Variants in TENM3 observed in about 807,000 individuals in gnomAD.
TENM3 encodes the protein teneurin-3.
A neutral mutation model predicts 255.1 loss-of-function variants in TENM3; 63 were observed. The ratio of observed to expected loss-of-function variants is 0.25; its 90% CI spans 0.20 to 0.30. The LOEUF is 0.30. TENM3 is among the 10% of genes least tolerant of loss of function. TENM3 has a pLI of 1.00. For synonymous variants in TENM3, 1,306 were observed against 1,322.3 expected (o/e 0.99, Z 0.27); for missense variants, 2,929 against 3,461.1 (o/e 0.85, Z 3.86).
the TENM3 span, among the ~76,000 whole-genome samples, chr4:181,636,561 T>G: frequency 2.0e-5 from 3 of 152,034 alleles, no homozygotes; most frequent in Non-Finnish European, 4.4e-5. Context: ...TCATGACAGG[T>G]TCCTCTCTTC....
chr4:181,935,210 T>C, the TENM3 span, among the ~76,000 whole-genome samples: 1 of 152,246 alleles, frequency 6.6e-6, no homozygotes, highest in East Asian at 1.9e-4. Flanking sequence ...TAAAAACATT[T>C]GTGATTGTTT....
In TENM3 at chr4:182,738,426, G is replaced by A. The variant is rs780213398; in HGVS notation, c.3261G>A (p.Ser1087=). 2.4e-5 allele frequency: 39 copies of A among 1,612,156 alleles called. No individual in the cohort carries two copies. The highest frequency in any genetic ancestry group is 8.4e-5 in the Admixed American group (5 of 59,778). The change falls in exon 18 of 28, where the codon TCG becomes TCA. Residue 1087 remains serine, a synonymous_variant. Coordinates refer to ENST00000511685, the MANE Select transcript of TENM3 (RefSeq NM_001080477.4). ...TGTCAGTTGGATATGAGTATGAGTCGTGTTTGGACCTGACTCTGTGGGAAA... is the reference window on the plus strand; with the variant it reads ...TGTCAGTTGGATATGAGTATGAGTCATGTTTGGACCTGACTCTGTGGGAAA... ...AVVSVGYEYE[S]CLDLTLWEKR...
Position 182,752,006 on chromosome 4 carries a change from T to C in TENM3, c.3836T>C (p.Val1279Ala). 1 of 1,608,328 alleles carries C rather than the reference T, an allele frequency of 6.2e-7. No individual in the cohort carries two copies. The highest frequency in any genetic ancestry group is 8.5e-7 in the Non-Finnish European group (1 of 1,178,102). Residue 1279 changes from valine to alanine, a missense_variant, in exon 20 of 28, where the codon GTG (valine) becomes GCG (alanine). Physicochemically the swap from Val to Ala is moderately conservative, Grantham distance 64. This residue lies in a region of TENM3 where 1,608 missense variants were observed against 1,884.4 expected (regional missense o/e 0.85). Coordinates refer to ENST00000511685, the MANE Select transcript of TENM3 (RefSeq NM_001080477.4). ...EARCGDGGKA[V>A]EATLMSPKGM... ...AGATGTGGGGATGGAGGGAAGGCCG[T>C]GGAAGCCACACTCATGAGTCCCAAA...
the TENM3 span, among the ~76,000 whole-genome samples, chr4:181,935,474 T>G: frequency 6.6e-6 from 1 of 152,246 alleles, no homozygotes. Flanking sequence ...GAGGATGTCC[T>G]TGCTACCTTA....
chr4:182,349,379 T>A (rs1199676048), intron 3 of TENM3, among the ~76,000 whole-genome samples: 1 of 152,216 alleles, frequency 6.6e-6, no homozygotes, highest in Non-Finnish European at 1.5e-5. Context: ...CAGATTAATT[T>A]ATTTGTTCTG....
At chr4:181,797,269 G>A in the TENM3 span, among the ~76,000 whole-genome samples, 1 of 151,700 alleles carries the variant, frequency 6.6e-6, no homozygotes, top group Non-Finnish European at 1.5e-5. Flanking sequence ...TGATCAACAT[G>A]GCTTTCGGTA....
intron 1 of TENM3, among the ~76,000 whole-genome samples, chr4:182,257,130 A>G (rs1758454915): frequency 6.6e-6 from 1 of 152,186 alleles, no homozygotes; most frequent in South Asian, 2.1e-4. Context: ...GGTTAAGGGC[A>G]CTGGATCCCA....
chr4:181,715,276 A>C, the TENM3 span, among the ~76,000 whole-genome samples: 1 of 152,286 alleles, frequency 6.6e-6, no homozygotes, highest in Admixed American at 6.5e-5. Flanking sequence ...AGTTTGTCCC[A>C]CCAGTTCAAA....
intron 3 of TENM3, among the ~76,000 whole-genome samples, chr4:182,375,367 G>A (rs1404973067): frequency 4.6e-5 from 7 of 152,008 alleles, no homozygotes; most frequent in Non-Finnish European, 7.4e-5. Flanking sequence ...CGGAATGAAC[G>A]AAATGTCCAT....
In TENM3 at chr4:182,797,297, G is replaced by A. The variant is rs535770498; in HGVS notation, c.7344+530G>A. 2.2e-4 allele frequency among the ~76,000 whole-genome samples: 34 copies of A among 152,024 alleles called. 2 individuals carry two copies. The South Asian group carries it at 4.6e-3, about 20-fold the overall frequency. On this transcript the variant is annotated intron_variant, in intron 27 of 27. Transcript: ENST00000511685. Reference sequence around the variant, plus strand: ...TCTACTAAAAATACAAAATTAGCCCGGCATGGTGGGGCATGCCTGTTATCC... The same window carrying A: ...TCTACTAAAAATACAAAATTAGCCCAGCATGGTGGGGCATGCCTGTTATCC...
chr4:182,746,786 A>T (rs1762040771), intron 19 of TENM3, among the ~76,000 whole-genome samples: 1 of 152,192 alleles, frequency 6.6e-6, no homozygotes, highest in Non-Finnish European at 1.5e-5. Context: ...GAAGGAGAGA[A>T]TGGAGAGTAT....
chr4:182,231,738 G>GA (rs1333049495), intron 1 of TENM3, among the ~76,000 whole-genome samples: 1 of 152,198 alleles, frequency 6.6e-6, no homozygotes, highest in African/African-American at 2.4e-5. Flanking sequence ...TACCAGGCTG[G>GA]ACTCTGGAAC....
intron 1 of TENM3, among the ~76,000 whole-genome samples, chr4:182,215,964 G>A (rs1755435910): frequency 6.6e-6 from 1 of 152,170 alleles, no homozygotes. Flanking sequence ...GCCAGAGCTG[G>A]AGAAAACGAC....
the TENM3 span, among the ~76,000 whole-genome samples, chr4:181,749,482 A>G: frequency 6.6e-6 from 1 of 152,156 alleles, no homozygotes; most frequent in Non-Finnish European, 1.5e-5. Flanking sequence ...GCTTTTTTAA[A>G]AAATAAGAAA....
At chr4:181,456,892 T>C in the TENM3 span, among the ~76,000 whole-genome samples, 1 of 151,770 alleles carries the variant, frequency 6.6e-6, no homozygotes, top group Admixed American at 6.6e-5. Flanking sequence ...GAACTATCCA[T>C]AGAATGGTAG....
At chr4:181,726,571 AAACT>A in the TENM3 span, among the ~76,000 whole-genome samples, 13 of 152,146 alleles carry the variant, frequency 8.5e-5, no homozygotes, top group Non-Finnish European at 8.8e-5. Context: ...TGGAGGAAAA[AAACT>A]AACTGTTTTT....
chr4:182,788,775 A>G (rs1380102550), intron 24 of TENM3, among the ~76,000 whole-genome samples: 1 of 152,232 alleles, frequency 6.6e-6, no homozygotes, highest in Non-Finnish European at 1.5e-5. Context: ...GAGTCATATG[A>G]ACAGGTGTCA....
the TENM3 span, among the ~76,000 whole-genome samples, chr4:181,552,192 A>G: frequency 6.6e-6 from 1 of 152,162 alleles, no homozygotes; most frequent in African/African-American, 2.4e-5. Context: ...AAGTTTTCCT[A>G]ATTTCATCCA....
chr4:182,634,707 TAAAA>T lies in TENM3; in HGVS notation c.988+5837_988+5840del, dbSNP rs11395245. Among the ~76,000 whole-genome samples the T allele has an allele frequency of 4.0e-3, 470 of 116,386 alleles. 3 individuals carry two copies. Among genetic ancestry groups the T allele is most frequent in the Admixed American group, 6.6e-3 (71 of 10,776 alleles). 76.4% of individuals were successfully genotyped at this position (116,386 alleles called of 152,430 possible). A position where few individuals can be genotyped will look rare whatever the true frequency, so the allele number is the denominator to read the frequency against. ...CATTCTTCTTTTTTGACTCTGAAAT[TAAAA>T]AAAAAAAAAAAAAAAAAAGATGAGC... On this transcript the variant is annotated intron_variant, in intron 5 of 27. Transcript: ENST00000511685.
Sources: gnomAD v4.1 joint callset for allele counts (sites outside exome capture counted in the v4.1 genomes callset) on GRCh38, gnomAD v4.1.1 for gene constraint, gnomAD v4.1.1 regional missense constraint, MANE v1.5 for transcripts, NCBI Gene and HGNC (gene_info 2026-07-23, HGNC 2026-07-21) for gene names.